PCDHA9: variants seen among roughly 807,000 people sequenced by gnomAD.
The protein encoded by PCDHA9 is protocadherin alpha-9.
In PCDHA9, 62 loss-of-function variants were observed where a neutral mutation model predicts 62.0. That is an observed-to-expected ratio of 1.00 (90% CI 0.81 to 1.23). PCDHA9 has a LOEUF of 1.23. Ranked by LOEUF, PCDHA9 falls within the 50% of genes most tolerant of loss-of-function variation. The pLI is 0.00. For synonymous variants in PCDHA9, 557 were observed against 567.6 expected (o/e 0.98, Z 0.27); for missense variants, 1,205 against 1,249.8 (o/e 0.96, Z 0.54).
rs782525734 is a variant in PCDHA9 at position 140,884,093 on chromosome 5, T to A, written c.2394+33204T>A. 3.1e-6 allele frequency: 5 copies of A among 1,613,500 alleles called. No homozygotes were observed. In the Admixed American group the frequency reaches 8.3e-5, roughly 27 times the overall value. ...TTCGGGCTACAATGCGTGGCTTTCGTATGAATTGCAGCTGGCGGCGGTCGG... is the reference window on the plus strand; with the variant it reads ...TTCGGGCTACAATGCGTGGCTTTCGAATGAATTGCAGCTGGCGGCGGTCGG... On this transcript the variant is annotated intron_variant, in intron 1 of 3. Coordinates refer to ENST00000532602, the MANE Select transcript of PCDHA9 (RefSeq NM_031857.2).
At chr5:140,894,656 C>T (rs2064591261) in intron 1 of PCDHA9, among the ~76,000 whole-genome samples, 2 of 151,616 alleles carry the variant, frequency 1.3e-5, no homozygotes, top group Non-Finnish European at 2.9e-5. Flanking sequence ...CTCTCTAATT[C>T]TGATTTGTGT....
chr5:140,957,333 A>T (rs2095351211), intron 1 of PCDHA9, among the ~76,000 whole-genome samples: 1 of 152,164 alleles, frequency 6.6e-6, no homozygotes, highest in African/African-American at 2.4e-5. Context: ...GTACAGTAAG[A>T]TATTTTGAGA....
chr5:140,969,508 A>C, intron 1 of PCDHA9: 2 of 1,424,370 alleles, frequency 1.4e-6, no homozygotes, highest in South Asian at 1.5e-5. Context: ...GAAAAATAGC[A>C]CTAAAGAATT....
intron 1 of PCDHA9, among the ~76,000 whole-genome samples, chr5:140,945,046 A>G (rs2093731107): frequency 2.0e-5 from 3 of 152,190 alleles, no homozygotes; most frequent in Non-Finnish European, 2.9e-5. Flanking sequence ...TTGGTCTTAT[A>G]TAAAGAAAAC....
rs2150449044 is a variant in PCDHA9, at chr5:140,849,768, G to C, written c.1273G>C (p.Val425Leu). The change falls in exon 1 of 4, where the codon GTT (valine) becomes CTT (leucine). Residue 425 changes from valine (V) to leucine (L), a missense_variant. Coordinates refer to ENST00000532602, the MANE Select transcript of PCDHA9 (RefSeq NM_031857.2). Reference protein sequence around the residue: ...RESVSAYELVVTARDGGSPSL... With the variant: ...RESVSAYELVLTARDGGSPSL... Reference sequence around the variant, plus strand: ...GAGTGTGTCCGCCTACGAGCTGGTGGTTACCGCGCGGGACGGGGGCTCGCC... The same window carrying C: ...GAGTGTGTCCGCCTACGAGCTGGTGCTTACCGCGCGGGACGGGGGCTCGCC... The C allele has an allele frequency of 6.3e-7, 1 of 1,598,502 alleles. No individual in the cohort carries two copies. The highest frequency in any genetic ancestry group is 2.2e-5 in the East Asian group (1 of 44,854).
At position 141,012,295 on chromosome 5, in the gene PCDHA9, T is replaced by C. The variant is rs2098423507; in HGVS notation, c.*2358T>C. ...GTCATGTGGATTCATTTTGAATTGG[T>C]GCTATTGGTATTTCCTCTGTTATTG... On this transcript the variant is annotated 3_prime_UTR_variant, in exon 4 of 4. Coordinates refer to ENST00000532602, the MANE Select transcript of PCDHA9 (RefSeq NM_031857.2). 6.5e-6 allele frequency: 1 copy of C among 153,776 alleles called. No homozygotes were observed. The highest frequency in any genetic ancestry group is 2.4e-5 in the African/African-American group (1 of 41,466). 9.5% of individuals were successfully genotyped at this position (153,776 alleles called of 1,614,324 possible).
intron 1 of PCDHA9, chr5:140,851,314 C>G (rs1276562311): frequency 1.0e-6 from 1 of 997,874 alleles, no homozygotes; most frequent in Non-Finnish European, 1.2e-6. Context: ...CAATTGTTAC[C>G]TTGTTAAGTT....
intron 1 of PCDHA9, among the ~76,000 whole-genome samples, chr5:140,949,632 T>C (rs932981591): frequency 2.6e-5 from 4 of 151,894 alleles, no homozygotes; most frequent in Non-Finnish European, 5.9e-5. Flanking sequence ...TCATGGCATA[T>C]TGCTTTTTGT....
At chr5:140,863,105 A>C (rs1554157760) in intron 1 of PCDHA9, 1 of 581,650 alleles carries the variant, frequency 1.7e-6, no homozygotes, top group Non-Finnish European at 3.4e-6. Flanking sequence ...AGTACCCTGG[A>C]CGAGGCGAAA....
chr5:140,982,264 TG>T, intron 2 of PCDHA9: 1 of 865,882 alleles, frequency 1.2e-6, no homozygotes, highest in Non-Finnish European at 1.7e-6. Flanking sequence ...TGTGTGTTCC[TG>T]GAATAGTATA....
intron 1 of PCDHA9, among the ~76,000 whole-genome samples, chr5:140,926,112 A>G (rs556372882): frequency 3.3e-4 from 51 of 152,258 alleles, no homozygotes; most frequent in African/African-American, 1.2e-3. Context: ...AAGAGGGTGC[A>G]GGACAGACTT....
intron 1 of PCDHA9, chr5:140,863,982 CAG>C (rs1167037323): frequency 6.5e-6 from 1 of 152,978 alleles, no homozygotes; most frequent in Non-Finnish European, 1.5e-5. Context: ...GCCTGGGAGA[CAG>C]GGTGAAACTC....
chr5:140,994,473 C>T (rs1199561805), intron 3 of PCDHA9, among the ~76,000 whole-genome samples: 2 of 152,038 alleles, frequency 1.3e-5, no homozygotes, highest in Admixed American at 6.5e-5. Flanking sequence ...GAGGCTGAGG[C>T]GGGTGGATTG....
intron 1 of PCDHA9, among the ~76,000 whole-genome samples, chr5:140,885,665 G>A (rs2060682140): frequency 6.6e-6 from 1 of 152,114 alleles, no homozygotes; most frequent in Non-Finnish European, 1.5e-5. Flanking sequence ...CCAGTTATGA[G>A]CACTCTTTCT....
intron 1 of PCDHA9, among the ~76,000 whole-genome samples, chr5:140,924,207 T>C (rs2081717308): frequency 6.6e-6 from 1 of 152,198 alleles, no homozygotes. Flanking sequence ...AGAAATTTGG[T>C]GAAGAATAAG....
At chr5:140,954,844 C>T (rs1195160424) in intron 1 of PCDHA9, among the ~76,000 whole-genome samples, 1 of 152,070 alleles carries the variant, frequency 6.6e-6, no homozygotes, top group African/African-American at 2.4e-5. Flanking sequence ...GAAATCTTTG[C>T]CTGTGCCTAT....
chr5:140,927,008 TCTCCGCGGACTTGAGGCTGCCAG>T (rs782232084), intron 1 of PCDHA9: 1 of 1,612,514 alleles, frequency 6.2e-7, no homozygotes, highest in South Asian at 1.1e-5. Flanking sequence ...GTAGGCAATC[TCTCCGCGGACTTGAGGCTGCCAG>T]CGGCCGCTAT....
intron 1 of PCDHA9, chr5:140,869,566 G>A (rs782325882): frequency 1.9e-6 from 3 of 1,614,178 alleles, no homozygotes; most frequent in East Asian, 4.5e-5. Flanking sequence ...TTTTCCACTA[G>A]AGGGAGCTTC....
intron 1 of PCDHA9, among the ~76,000 whole-genome samples, chr5:140,938,050 A>G (rs1169641392): frequency 6.6e-6 from 1 of 152,116 alleles, no homozygotes; most frequent in African/African-American, 2.4e-5. Context: ...TGGGTTTTCT[A>G]CATATACTGT....
Sources: allele counts gnomAD v4.1 joint callset (sites outside exome capture counted in the v4.1 genomes callset), GRCh38; gene constraint gnomAD v4.1.1; transcripts MANE v1.5; gene names NCBI Gene and HGNC (gene_info 2026-07-23, HGNC 2026-07-21).